The following ZBBX variants were observed in gnomAD, a reference collection of about 807,000 sequenced individuals.
ZBBX encodes zinc finger B-box domain containing.
In ZBBX, 101 loss-of-function variants were observed where a neutral mutation model predicts 108.5. That is an observed-to-expected ratio of 0.93 (90% CI 0.79 to 1.10). ZBBX has a LOEUF of 1.10. Among genes scored for constraint, ZBBX ranks in the 50% least tolerant of loss-of-function variants. The pLI is 0.00. For synonymous variants in ZBBX, 356 were observed against 323.4 expected (o/e 1.10, Z -1.08); for missense variants, 1,009 against 941.4 (o/e 1.07, Z -0.94).
chr3:167,322,815 T>C (rs1736662088), intron 11 of ZBBX, among the ~76,000 whole-genome samples: 1 of 151,912 alleles, frequency 6.6e-6, no homozygotes, highest in African/African-American at 2.4e-5. Flanking sequence ...TGATTACTAG[T>C]CTCTCCACCC....
intron 8 of ZBBX, among the ~76,000 whole-genome samples, chr3:167,355,954 C>G (rs576774400): frequency 1.3e-5 from 2 of 152,170 alleles, no homozygotes; most frequent in South Asian, 4.1e-4. Flanking sequence ...TGCTGCTTAT[C>G]TTGTCTGGGA....
intron 18 of ZBBX, among the ~76,000 whole-genome samples, chr3:167,291,817 C>T (rs1333247457): frequency 2.6e-5 from 4 of 152,058 alleles, no homozygotes; most frequent in Non-Finnish European, 4.4e-5. Flanking sequence ...ACCCATCTCA[C>T]GTGCAAAGAC....
chr3:167,400,083 A>G (rs954160871), intron 1 of ZBBX, among the ~76,000 whole-genome samples: 1 of 152,112 alleles, frequency 6.6e-6, no homozygotes, highest in Admixed American at 6.5e-5. Context: ...TATGTACTAC[A>G]TTTTCTTTAT....
chr3:167,263,125 C>A (rs1006100528), intron 20 of ZBBX, among the ~76,000 whole-genome samples: 2 of 150,178 alleles, frequency 1.3e-5, no homozygotes, highest in Non-Finnish European at 3.0e-5. Flanking sequence ...GCAACCTTCA[C>A]CTCCTGGCTC....
the ZBBX span, among the ~76,000 whole-genome samples, chr3:167,218,739 A>G: frequency 1.3e-5 from 2 of 152,114 alleles, no homozygotes; most frequent in African/African-American, 4.8e-5. Flanking sequence ...AAACAACCAG[A>G]ACACAAATAA....
chr3:167,302,496 C>T (rs1008929986), intron 17 of ZBBX, among the ~76,000 whole-genome samples: 1 of 151,846 alleles, frequency 6.6e-6, no homozygotes, highest in East Asian at 1.9e-4. Context: ...TTCCTCCCCC[C>T]ACCCCATGTT....
intron 1 of ZBBX, among the ~76,000 whole-genome samples, chr3:167,397,014 T>C (rs1413757882): frequency 6.6e-6 from 1 of 151,566 alleles, no homozygotes; most frequent in Non-Finnish European, 1.5e-5. Context: ...ATGGAAAGGA[T>C]GGCATTGCTC....
chr3:167,238,879 T>C (rs1720339847), downstream of ZBBX, among the ~76,000 whole-genome samples: 1 of 152,164 alleles, frequency 6.6e-6, no homozygotes, highest in South Asian at 2.1e-4. Flanking sequence ...TTGTCTTCTT[T>C]CTTTTGACTA....
chr3:167,297,925 G>A (rs904440883), intron 18 of ZBBX, among the ~76,000 whole-genome samples: 7 of 151,804 alleles, frequency 4.6e-5, no homozygotes, highest in African/African-American at 1.5e-4. Context: ...TGTAATAATC[G>A]GAACATTTGT....
At chr3:167,330,871 G>GAAGA (rs1553820669) in intron 10 of ZBBX, among the ~76,000 whole-genome samples, 902 of 43,938 alleles carry the variant, frequency 0.021, 112 homozygotes, top group South Asian at 0.031. Context: ...GGAGGAGGAG[G>GAAGA]AGAAGAAGAA....
downstream of ZBBX, among the ~76,000 whole-genome samples, chr3:167,236,988 G>GC (rs1205839101): frequency 6.6e-6 from 1 of 151,782 alleles, no homozygotes; most frequent in Non-Finnish European, 1.5e-5. Flanking sequence ...ATGAGAAATA[G>GC]CATGTGCCAA....
intron 16 of ZBBX, among the ~76,000 whole-genome samples, chr3:167,310,542 C>T (rs985452906): frequency 1.3e-5 from 2 of 152,112 alleles, no homozygotes; most frequent in African/African-American, 4.8e-5. Context: ...GTCTTATAAT[C>T]ATGGCAGAAG....
At chr3:167,358,841 C>T (rs1316463764) in intron 8 of ZBBX, among the ~76,000 whole-genome samples, 2 of 145,646 alleles carry the variant, frequency 1.4e-5, no homozygotes, top group African/African-American at 5.1e-5. Flanking sequence ...GAGGCTGAGG[C>T]AGGAGAATTG....
the ZBBX span, among the ~76,000 whole-genome samples, chr3:167,220,294 A>G: frequency 1.3e-5 from 2 of 152,134 alleles, no homozygotes; most frequent in East Asian, 1.9e-4. Context: ...AAAGAAAACT[A>G]CAGGCCAGTT....
rs142695318 is a variant in ZBBX at position 167,366,805 on chromosome 3, G to A, written c.183-829C>T. 1.2e-4 allele frequency: 56 copies of A among 455,428 alleles called. No individual in the cohort carries two copies. In the East Asian group the frequency reaches 2.6e-3, roughly 21 times the overall value. The allele number at this position is 455,428 out of a possible 1,614,324, so 28.2% of individuals were successfully genotyped here. ...TATCAGGGCTGATTCCAGCAACTCC[G>A]ATTCTCAGATGAGTATCATGATCCA... On this transcript the variant is annotated intron_variant, in intron 5 of 21. Coordinates refer to ENST00000675490, the MANE Select transcript of ZBBX (RefSeq NM_001199201.2).
At chr3:167,340,709 T>TG (rs1740389364) in intron 9 of ZBBX, among the ~76,000 whole-genome samples, 1 of 151,726 alleles carries the variant, frequency 6.6e-6, no homozygotes, top group African/African-American at 2.4e-5. Context: ...AAGAAAGGGT[T>TG]GGGGGGTGCA....
In ZBBX at chr3:167,315,798, T is replaced by C. The variant is rs763869968; in HGVS notation, c.1226A>G (p.Asn409Ser). 6.2e-7 allele frequency: 1 copy of C among 1,607,278 alleles called. No individual in the cohort carries two copies. The highest frequency in any genetic ancestry group is 8.5e-7 in the Non-Finnish European group (1 of 1,176,212). ...TAATTTAACTTTGTAAGGCACAATA[T>C]TTTCTGCTTCTTCAAATTCCTCTTC... ...TYEEEFEEAENIVPYKVKLAD... is the reference protein window; with the variant it reads ...TYEEEFEEAESIVPYKVKLAD... The change falls in exon 15 of 22, where the codon AAT (asparagine) becomes AGT (serine). Residue 409 changes from asparagine (N) to serine (S), a missense_variant. Transcript: ENST00000675490.
At chr3:167,342,940 T>TA (rs1246942323) in intron 9 of ZBBX, among the ~76,000 whole-genome samples, 1 of 151,890 alleles carries the variant, frequency 6.6e-6, no homozygotes, top group Non-Finnish European at 1.5e-5. Flanking sequence ...GTGCAGTTTT[T>TA]ATCTACCAAT....
the ZBBX span, among the ~76,000 whole-genome samples, chr3:167,198,121 T>G: frequency 6.6e-6 from 1 of 152,136 alleles, no homozygotes; most frequent in Non-Finnish European, 1.5e-5. Flanking sequence ...ATTTGAGAAT[T>G]AGCAAGTACC....
Sources: allele counts gnomAD v4.1 joint callset (sites outside exome capture counted in the v4.1 genomes callset), GRCh38; gene constraint gnomAD v4.1.1; transcripts MANE v1.5; gene names NCBI Gene and HGNC (gene_info 2026-07-23, HGNC 2026-07-21).